Variants in CETP observed in about 807,000 individuals in gnomAD.
The protein encoded by CETP is BPI fold containing family F.
In CETP, 56 loss-of-function variants were observed where a neutral mutation model predicts 66.5. The ratio of observed to expected loss-of-function variants is 0.84; its 90% confidence interval spans 0.68 to 1.05. The LOEUF is 1.05. Among genes scored for constraint, CETP ranks in the 50% least tolerant of loss-of-function variants. CETP has a pLI of 0.00. For missense variants in CETP, 612 were observed against 609.6 expected (o/e 1.00, Z -0.04); for synonymous variants, 251 against 245.7 (o/e 1.02, Z -0.20).
At position 56,961,958 on chromosome 16, in the gene CETP, T is replaced by C. The variant is rs772575778; in HGVS notation, c.-22T>C. 2 of 1,602,146 alleles carry C rather than the reference T, an allele frequency of 1.2e-6. No individual in the cohort carries two copies. The highest frequency in any genetic ancestry group is 2.2e-5 in the South Asian group (2 of 90,848). On this transcript the variant is annotated 5_prime_UTR_variant, in exon 1 of 16. Transcript: ENST00000200676. ...TCCAGGCTGAACGGCTCGGGCCACT[T>C]ACACACCACTGCCTGATAACCATGC...
At chr16:56,964,071 G>A (rs1220194196) in intron 2 of CETP, among the ~76,000 whole-genome samples, 1 of 150,408 alleles carries the variant, frequency 6.6e-6, no homozygotes, top group African/African-American at 2.5e-5. Flanking sequence ...CTGTCACCCA[G>A]GCTGGAGTGC....
In CETP at chr16:56,964,656, ACCCGCGCACAT is replaced by A. The variant is rs202053991; in HGVS notation, c.233+1533_233+1543del. On this transcript the variant is annotated intron_variant, in intron 2 of 15. Coordinates refer to ENST00000200676, the MANE Select transcript of CETP (RefSeq NM_000078.3). ...ACGCTCCCCAGGGGTGGTCTCTGCT[ACCCGCGCACAT>A]TGGGCCTTGAGTCTTGGTAAATGTT... Among the ~76,000 whole-genome samples, 179 of 152,184 alleles carry A rather than the reference ACCCGCGCACAT, an allele frequency of 1.2e-3. 4 individuals carry two copies. The East Asian group carries it at 0.019, about 16-fold the overall frequency.
chr16:56,981,087 C>G (rs1421661085), intron 11 of CETP, 71 bp from the exon 12 acceptor site: 30 of 1,146,448 alleles, frequency 2.6e-5, no homozygotes, highest in Non-Finnish European at 3.7e-5. Context: ...ATCAGGGGCC[C>G]TGAGCTAGGA....
At position 56,971,400 on chromosome 16, in the gene CETP, G is replaced by A; in HGVS notation, c.658+19G>A. 6.2e-7 allele frequency: 1 copy of A among 1,610,892 alleles called. No homozygotes were observed. The highest frequency in any genetic ancestry group is 1.1e-5 in the South Asian group (1 of 91,032). ...AGGGCTGGTGAGTGCGTTTCTGTCTGCATGCCTCAGAAGACAGCAGTGGGA... is the reference window on the plus strand; with the variant it reads ...AGGGCTGGTGAGTGCGTTTCTGTCTACATGCCTCAGAAGACAGCAGTGGGA... On this transcript the variant is annotated intron_variant, in intron 7 of 15. Transcript: ENST00000200676.
intron 1 of CETP, chr16:56,962,473 CAA>C: frequency 2.1e-6 from 1 of 471,252 alleles, no homozygotes. Flanking sequence ...ACTCTATGGC[CAA>C]AGTCAGGGGT....
chr16:56,973,679 T>G (rs1218092959), intron 9 of CETP, among the ~76,000 whole-genome samples, 169 bp downstream of exon 9: 1 of 152,228 alleles, frequency 6.6e-6, no homozygotes, highest in African/African-American at 2.4e-5. Context: ...CTCACACCTG[T>G]AATCCCAATC....
At chr16:56,963,148 C>G (rs2056037650) in intron 2 of CETP, 24 bp downstream of exon 2, 1 of 1,590,340 alleles carries the variant, frequency 6.3e-7, no homozygotes, top group Admixed American at 1.7e-5. Context: ...CGGGTGTGAC[C>G]AGGCTGGGGG....
chr16:56,967,305 G>A (rs761732565), intron 2 of CETP, among the ~76,000 whole-genome samples: 4 of 151,568 alleles, frequency 2.6e-5, no homozygotes, highest in African/African-American at 4.8e-5. Context: ...GAGATTGCCC[G>A]CTGCACTCCA....
intron 2 of CETP, among the ~76,000 whole-genome samples, chr16:56,964,292 C>T (rs1339869064): frequency 1.3e-5 from 2 of 151,910 alleles, no homozygotes; most frequent in African/African-American, 4.8e-5. Flanking sequence ...CTCCCAAAGT[C>T]CTGGGATTGC....
At chr16:56,962,798 T>A (rs2056033600) in intron 1 of CETP, among the ~76,000 whole-genome samples, 1 of 152,040 alleles carries the variant, frequency 6.6e-6, no homozygotes, top group African/African-American at 2.4e-5. Context: ...ATGATCAGGA[T>A]CTCTAGCTGG....
At chr16:56,969,749 G>T (rs35752722) in intron 4 of CETP, 68 bp downstream of exon 4, 7 of 1,590,046 alleles carry the variant, frequency 4.4e-6, no homozygotes, top group Admixed American at 3.4e-5. Flanking sequence ...CAGAGGGGGA[G>T]GTTGTGCAGG....
rs1344354869 is a variant in CETP, at chr16:56,963,059, C to A, written c.168C>A (p.Ser56Arg). 3 of 1,614,076 alleles carry A rather than the reference C, an allele frequency of 1.9e-6. No homozygotes were observed. The Admixed American group carries it at 5.0e-5, about 27-fold the overall frequency. Residue 56 changes from serine (S) to arginine (R), a missense_variant, in exon 2 of 16, where the codon AGC becomes AGA. By Grantham distance (110) the Ser-to-Arg change is moderately radical. Coordinates refer to ENST00000200676, the MANE Select transcript of CETP (RefSeq NM_000078.3). ...TCCAGACCGCCTTCCAGCGAGCCAG[C>A]TACCCAGATATCACGGGCGAGAAGG... ...KVIQTAFQRA[S>R]YPDITGEKAM... is the part of the protein sequence containing the mutation.
intron 14 of CETP, 139 bp downstream of exon 14, chr16:56,982,376 C>T (rs1460476070): frequency 3.6e-6 from 3 of 823,646 alleles, no homozygotes; most frequent in Non-Finnish European, 6.3e-6. Flanking sequence ...CCCCTTTCCT[C>T]TCCCTGCTGG....
In CETP at chr16:56,972,084, G is replaced by C. The variant is rs1442503762; in HGVS notation, c.750+1G>C. On this transcript the variant is annotated splice_donor_variant, in intron 8 of 15. Coordinates refer to ENST00000200676, the MANE Select transcript of CETP (RefSeq NM_000078.3). LOFTEE classifies it high-confidence loss of function. ...CTCCTACCTGGAGTCCCATCACAAG[G>C]TAGGAGTTGTGGGAGGGTGGGGCAG... 6.2e-7 allele frequency: 1 copy of C among 1,612,760 alleles called. No homozygotes were observed. Among genetic ancestry groups the C allele is most frequent in the South Asian group, 1.1e-5 (1 of 91,042 alleles).
At chr16:56,983,177 T>G in intron 14 of CETP, 149 bp from the exon 15 acceptor site, 1 of 711,226 alleles carries the variant, frequency 1.4e-6, no homozygotes, top group Non-Finnish European at 2.5e-6. Context: ...CAGAAGCACT[T>G]GCTCACTCTG....
intron 2 of CETP, among the ~76,000 whole-genome samples, chr16:56,965,569 C>T (rs1343852349): frequency 6.6e-6 from 1 of 152,184 alleles, no homozygotes; most frequent in African/African-American, 2.4e-5. Context: ...ATTTCTGTCT[C>T]AGTTCAGTGG....
intron 1 of CETP, among the ~76,000 whole-genome samples, chr16:56,962,721 G>A (rs1256163125): frequency 7.7e-6 from 1 of 129,296 alleles, no homozygotes; most frequent in Admixed American, 8.0e-5. Context: ...GTGTGCGGCT[G>A]GGCTCAGGGC....
In CETP at chr16:56,961,996, T is replaced by A. The variant is rs34119551; in HGVS notation, c.17T>A (p.Val6Asp). 192 of 1,614,080 alleles carry A rather than the reference T, an allele frequency of 1.2e-4. 1 individual carries two copies. In the African/African-American group the frequency reaches 2.2e-3, roughly 18 times the overall value. MLAAT[V>D]LTLALLGNAH... The stretch of plus-strand genomic sequence containing the variant: ...CTGATAACCATGCTGGCTGCCACAG[T>A]CCTGACCCTGGCCCTGCTGGGCAAT... Residue 6 changes from valine to aspartate, a missense_variant, in exon 1 of 16, where the codon GTC becomes GAC. By Grantham distance (152) the Val-to-Asp change is radical. Coordinates refer to ENST00000200676, the MANE Select transcript of CETP (RefSeq NM_000078.3).
At chr16:56,964,987 C>T (rs560542377) in intron 2 of CETP, among the ~76,000 whole-genome samples, 1 of 152,140 alleles carries the variant, frequency 6.6e-6, no homozygotes, top group South Asian at 2.1e-4. Context: ...GTGGTGCGTG[C>T]CTGCAGTCCC....
Sources: gnomAD v4.1 joint callset for allele counts (sites outside exome capture counted in the v4.1 genomes callset) on GRCh38, gnomAD v4.1.1 for gene constraint, MANE v1.5 for transcripts, NCBI Gene and HGNC (gene_info 2026-07-23, HGNC 2026-07-21) for gene names.